HMGN3: variants seen among roughly 807,000 people sequenced by gnomAD.
HMGN3 encodes the protein high mobility group nucleosome-binding domain-containing protein 3.
A neutral mutation model predicts 18.8 loss-of-function variants in HMGN3; 6 were observed. The observed-to-expected ratio is 0.32, with a 90% CI of 0.18 to 0.63. The LOEUF is 0.63. Among genes scored for constraint, HMGN3 ranks in the 30% least tolerant of loss-of-function variants. HMGN3 has a pLI of 0.79. For synonymous variants in HMGN3, 40 were observed against 36.5 expected (o/e 1.10, Z -0.35); for missense variants, 107 against 114.2 (o/e 0.94, Z 0.29).
intron 1 of HMGN3, among the ~76,000 whole-genome samples, chr6:79,222,181 T>C (rs887568137): frequency 9.2e-5 from 14 of 152,208 alleles, no homozygotes; most frequent in African/African-American, 3.1e-4. Flanking sequence ...CCAACAATCA[T>C]TTCTTTTAAC....
chr6:79,205,492 G>GT (rs1278377014), intron 3 of HMGN3, among the ~76,000 whole-genome samples: 3 of 152,220 alleles, frequency 2.0e-5, no homozygotes, highest in African/African-American at 7.2e-5. Flanking sequence ...CACCATCCAC[G>GT]TAAGACATAA....
At chr6:79,230,586 T>G (rs1216636707) in intron 1 of HMGN3, among the ~76,000 whole-genome samples, 2 of 152,192 alleles carry the variant, frequency 1.3e-5, no homozygotes, top group African/African-American at 4.8e-5. Context: ...TTCTTAATAT[T>G]GTACATTTCT....
At chr6:79,208,242 GT>G in intron 3 of HMGN3, among the ~76,000 whole-genome samples, 1 of 152,262 alleles carries the variant, frequency 6.6e-6, no homozygotes, top group South Asian at 2.1e-4. Context: ...CACATCATAG[GT>G]ACAATCTGAA....
intron 1 of HMGN3, among the ~76,000 whole-genome samples, chr6:79,218,925 G>A (rs1777131592): frequency 6.6e-6 from 1 of 152,142 alleles, no homozygotes; most frequent in Non-Finnish European, 1.5e-5. Context: ...ATAGACTGCT[G>A]AGGAATTAAG....
intron 1 of HMGN3, among the ~76,000 whole-genome samples, chr6:79,217,781 A>C (rs1777064272): frequency 6.6e-6 from 1 of 152,242 alleles, no homozygotes; most frequent in Non-Finnish European, 1.5e-5. Context: ...TTAAAACAGA[A>C]ACCCAAAGCT....
At chr6:79,222,196 G>A (rs2127832522) in intron 1 of HMGN3, among the ~76,000 whole-genome samples, 1 of 152,006 alleles carries the variant, frequency 6.6e-6, no homozygotes, top group East Asian at 1.9e-4. Context: ...TTTAACCTAG[G>A]GAGTGTATTA....
At chr6:79,215,345 GT>G (rs1237682396) in intron 1 of HMGN3, among the ~76,000 whole-genome samples, 1 of 152,238 alleles carries the variant, frequency 6.6e-6, no homozygotes, top group Non-Finnish European at 1.5e-5. Flanking sequence ...CCAGAGGTCA[GT>G]GGCAGGAATG....
At chr6:79,222,335 C>A (rs1459941725) in intron 1 of HMGN3, among the ~76,000 whole-genome samples, 1 of 151,942 alleles carries the variant, frequency 6.6e-6, no homozygotes, top group African/African-American at 2.4e-5. Context: ...AAAAAGAAAA[C>A]CACTATGGCA....
intron 5 of HMGN3, 24 bp downstream of exon 5, chr6:79,202,252 G>A: frequency 1.2e-6 from 2 of 1,613,910 alleles, no homozygotes; most frequent in Non-Finnish European, 8.5e-7. Flanking sequence ...GATTCAATCA[G>A]TGGGAGGTAT....
At chr6:79,231,825 A>G (rs553187929) in intron 1 of HMGN3, among the ~76,000 whole-genome samples, 42 of 152,308 alleles carry the variant, frequency 2.8e-4, no homozygotes, top group African/African-American at 1.0e-3. Flanking sequence ...CACATTCTGG[A>G]ACACATACAC....
intron 3 of HMGN3, among the ~76,000 whole-genome samples, chr6:79,205,726 T>G (rs1164908693): frequency 6.6e-6 from 1 of 151,982 alleles, no homozygotes; most frequent in South Asian, 2.1e-4. Flanking sequence ...CAGACAGAGG[T>G]TGGAACAGTT....
At chr6:79,226,391 G>A (rs1206780534) in intron 1 of HMGN3, among the ~76,000 whole-genome samples, 1 of 152,160 alleles carries the variant, frequency 6.6e-6, no homozygotes, top group Non-Finnish European at 1.5e-5. Flanking sequence ...ACCTTACTGG[G>A]TGGTTGGAAG....
At chr6:79,210,749 T>C (rs539545280) in intron 2 of HMGN3, among the ~76,000 whole-genome samples, 2 of 152,240 alleles carry the variant, frequency 1.3e-5, no homozygotes, top group East Asian at 1.9e-4. Flanking sequence ...TCTAGTTGTC[T>C]TGAATAAAAT....
At chr6:79,202,460 C>T (rs868528005) in intron 4 of HMGN3, 71 bp from the exon 5 acceptor site, 10 of 1,243,310 alleles carry the variant, frequency 8.0e-6, no homozygotes, top group African/African-American at 1.5e-5. Context: ...ATCAATCAGC[C>T]TCTGTCCAAA....
chr6:79,214,916 A>G (rs1776896510), intron 2 of HMGN3, 56 bp downstream of exon 2: 3 of 938,620 alleles, frequency 3.2e-6, no homozygotes, highest in Non-Finnish European at 5.1e-6. Flanking sequence ...CAATCCTAAC[A>G]ATATTAAACA....
intron 1 of HMGN3, among the ~76,000 whole-genome samples, chr6:79,229,573 T>C (rs1777733807): frequency 6.6e-6 from 1 of 152,188 alleles, no homozygotes; most frequent in South Asian, 2.1e-4. Flanking sequence ...GTTTGGAGGT[T>C]CCTTAAAACG....
At chr6:79,212,678 G>C (rs561779759) in intron 2 of HMGN3, among the ~76,000 whole-genome samples, 1 of 152,322 alleles carries the variant, frequency 6.6e-6, no homozygotes, top group African/African-American at 2.4e-5. Context: ...CAAGTCCCCT[G>C]AAGTACTATC....
chr6:79,227,616 G>A (rs1431764330), intron 1 of HMGN3, among the ~76,000 whole-genome samples: 1 of 152,142 alleles, frequency 6.6e-6, no homozygotes, highest in Admixed American at 6.6e-5. Context: ...CAACGAAACA[G>A]AGCATATCAT....
intron 1 of HMGN3, among the ~76,000 whole-genome samples, chr6:79,232,675 T>A (rs1777903693): frequency 6.6e-6 from 1 of 152,128 alleles, no homozygotes; most frequent in African/African-American, 2.4e-5. Context: ...TCAGCAGCTC[T>A]GGCCCTTGAA....
Sources: allele counts gnomAD v4.1 joint callset (sites outside exome capture counted in the v4.1 genomes callset), GRCh38; gene constraint gnomAD v4.1.1; transcripts MANE v1.5; gene names NCBI Gene and HGNC (gene_info 2026-07-23, HGNC 2026-07-21).